GULP1: variants seen among roughly 807,000 people sequenced by gnomAD.
GULP1 encodes GULP PTB domain containing engulfment adaptor 1.
GULP1 carries 19 observed loss-of-function variants against 40.9 expected under a neutral mutation model. The ratio of observed to expected loss-of-function variants is 0.46; its 90% CI spans 0.32 to 0.68. The LOEUF (loss-of-function observed/expected upper bound fraction) is 0.68. Among genes scored for constraint, GULP1 ranks in the 30% least tolerant of loss-of-function variants. The pLI is 0.03. For synonymous variants in GULP1, 119 were observed against 117.6 expected (o/e 1.01, Z -0.08); for missense variants, 312 against 362.2 (o/e 0.86, Z 1.12).
chr2:188,446,904 T>C (rs1442589664), intron 2 of GULP1, among the ~76,000 whole-genome samples: 3 of 152,044 alleles, frequency 2.0e-5, no homozygotes, highest in Admixed American at 2.0e-4. Flanking sequence ...CTGTAAAATA[T>C]TTGAAGAGAT....
intron 2 of GULP1, among the ~76,000 whole-genome samples, chr2:188,433,540 A>G (rs946347887): frequency 2.6e-5 from 4 of 152,148 alleles, no homozygotes; most frequent in African/African-American, 9.6e-5. Context: ...AAGGACTGTC[A>G]ACCAAGTGGG....
intron 1 of GULP1, among the ~76,000 whole-genome samples, chr2:188,335,113 A>C (rs1356285181): frequency 6.6e-6 from 1 of 152,368 alleles, no homozygotes; most frequent in Non-Finnish European, 1.5e-5. Flanking sequence ...ACACATGTGT[A>C]TATTTTTGAT....
intron 4 of GULP1, among the ~76,000 whole-genome samples, chr2:188,516,702 A>G (rs1231174662): frequency 6.6e-6 from 1 of 152,142 alleles, no homozygotes; most frequent in African/African-American, 2.4e-5. Context: ...CCAGTTTCTG[A>G]TTGAGTAGAA....
chr2:188,428,042 A>G lies in GULP1; in HGVS notation c.-45+44153A>G, dbSNP rs376369659. On this transcript the variant is annotated intron_variant, in intron 2 of 11. Coordinates refer to ENST00000409830, the MANE Select transcript of GULP1 (RefSeq NM_016315.4). ...TGCATCAGTATGCCCTAGATGTGAGATATTGAGTCAAAGGAGTTTATTTCA... is the reference window on the plus strand; with the variant it reads ...TGCATCAGTATGCCCTAGATGTGAGGTATTGAGTCAAAGGAGTTTATTTCA... Among the ~76,000 whole-genome samples the G allele has an allele frequency of 3.3e-5, 5 of 152,334 alleles. No homozygotes were observed. In the East Asian group the frequency reaches 9.7e-4, roughly 29 times the overall value.
chr2:188,548,230 G>T (rs951534323), intron 7 of GULP1, among the ~76,000 whole-genome samples: 1 of 152,042 alleles, frequency 6.6e-6, no homozygotes, highest in Non-Finnish European at 1.5e-5. Flanking sequence ...AGAAAATTTT[G>T]AGTCTAAAAC....
In GULP1 at chr2:188,417,943, T is replaced by C. The variant is rs2152749210; in HGVS notation, c.-45+34054T>C. The stretch of plus-strand genomic sequence containing the variant: ...GTAGCTGGGACTTACAGACACATCA[T>C]CTCACACAGCTGATTTTTTTTTGTT... On this transcript the variant is annotated intron_variant, in intron 2 of 11. Coordinates refer to ENST00000409830, the MANE Select transcript of GULP1 (RefSeq NM_016315.4). 2.0e-5 allele frequency among the ~76,000 whole-genome samples: 3 copies of C among 152,020 alleles called. No individual in the cohort carries two copies. The East Asian group carries it at 5.8e-4, about 29-fold the overall frequency.
At chr2:188,479,043 T>A (rs1488579826) in intron 3 of GULP1, among the ~76,000 whole-genome samples, 1 of 152,130 alleles carries the variant, frequency 6.6e-6, no homozygotes, top group African/African-American at 2.4e-5. Flanking sequence ...GCCATGGGGT[T>A]GAGTTTAGTA....
In GULP1 at chr2:188,578,884, T is replaced by C. The variant is rs73978257; in HGVS notation, c.610-5381T>C. On this transcript the variant is annotated intron_variant, in intron 9 of 11. Transcript: ENST00000409830. ...CTTCTCAACAATGTATTTAATTACT[T>C]TAACACATAAACATCCTCAACCAGT... Among the ~76,000 whole-genome samples, 1,489 of 152,222 alleles carry C rather than the reference T, an allele frequency of 9.8e-3. 26 individuals carry two copies. Among genetic ancestry groups the C allele is most frequent in the African/African-American group, 0.034 (1,395 of 41,540 alleles).
intron 11 of GULP1, chr2:188,593,405 G>A (rs896864789): frequency 6.6e-6 from 1 of 152,060 alleles, no homozygotes; most frequent in African/African-American, 2.4e-5. Context: ...CAACAGCAAG[G>A]CTAGTAGGGG....
chr2:188,573,447 A>G (rs546425866), intron 9 of GULP1, among the ~76,000 whole-genome samples: 12 of 152,356 alleles, frequency 7.9e-5, no homozygotes, highest in Admixed American at 2.0e-4. Flanking sequence ...AAAATATTTA[A>G]TAGCTTACCA....
chr2:188,313,450 T>G (rs745385421), intron 1 of GULP1, among the ~76,000 whole-genome samples: 5 of 152,166 alleles, frequency 3.3e-5, no homozygotes, highest in Non-Finnish European at 7.4e-5. Context: ...TTCTGAAGTC[T>G]CTGTTCTGCT....
At chr2:188,293,441 G>A (rs2034230917) in intron 1 of GULP1, among the ~76,000 whole-genome samples, 1 of 152,210 alleles carries the variant, frequency 6.6e-6, no homozygotes, top group South Asian at 2.1e-4. Context: ...ACTAGCAGGA[G>A]ACAATACTGA....
intron 2 of GULP1, among the ~76,000 whole-genome samples, chr2:188,429,606 G>T (rs1332095384): frequency 6.6e-6 from 1 of 152,100 alleles, no homozygotes; most frequent in Non-Finnish European, 1.5e-5. Flanking sequence ...AAAGTAGTTT[G>T]GTTAACAATA....
At chr2:188,568,938 A>G (rs980999816) in intron 7 of GULP1, among the ~76,000 whole-genome samples, 1 of 152,134 alleles carries the variant, frequency 6.6e-6, no homozygotes, top group Non-Finnish European at 1.5e-5. Context: ...CAATACAATA[A>G]AAGAGATGAG....
intron 6 of GULP1, among the ~76,000 whole-genome samples, chr2:188,533,015 G>A (rs545930812): frequency 1.4e-4 from 22 of 152,048 alleles, no homozygotes; most frequent in Non-Finnish European, 2.4e-4. Context: ...TTCTTCCTTG[G>A]CTTCCTGACC....
chr2:188,525,782 A>C (rs1166304706), intron 5 of GULP1, among the ~76,000 whole-genome samples: 1 of 152,194 alleles, frequency 6.6e-6, no homozygotes, highest in Non-Finnish European at 1.5e-5. Flanking sequence ...AGTCTTGTGA[A>C]GTCTCAGCCT....
rs188595301 is a variant in GULP1 at position 188,435,773 on chromosome 2, T to G, written c.-44-41886T>G. ...GCTGCACAATTTATGGCAGGATGCTTCTTCAAAGCTGTTAAAGGAGAGACA... is the reference window on the plus strand; with the variant it reads ...GCTGCACAATTTATGGCAGGATGCTGCTTCAAAGCTGTTAAAGGAGAGACA... On this transcript the variant is annotated intron_variant, in intron 2 of 11. Transcript: ENST00000409830. Among the ~76,000 whole-genome samples, 4 of 152,190 alleles carry G rather than the reference T, an allele frequency of 2.6e-5. No individual in the cohort carries two copies. The East Asian group carries it at 7.7e-4, about 29-fold the overall frequency.
intron 2 of GULP1, among the ~76,000 whole-genome samples, chr2:188,445,056 C>T (rs374472642): frequency 1.3e-5 from 2 of 152,176 alleles, no homozygotes; most frequent in South Asian, 4.1e-4. Flanking sequence ...CAAAGAGGAA[C>T]GAAAAGGTTC....
At chr2:188,375,390 A>G (rs2048168342) in intron 1 of GULP1, among the ~76,000 whole-genome samples, 1 of 152,236 alleles carries the variant, frequency 6.6e-6, no homozygotes, top group Admixed American at 6.5e-5. Context: ...CATGAACAAA[A>G]TTAAACTCCA....
Sources: gnomAD v4.1 joint callset for allele counts (sites outside exome capture counted in the v4.1 genomes callset) on GRCh38, gnomAD v4.1.1 for gene constraint, MANE v1.5 for transcripts, NCBI Gene and HGNC (gene_info 2026-07-23, HGNC 2026-07-21) for gene names.